The following ADD1 variants were observed in gnomAD, a reference collection of about 807,000 sequenced individuals.
ADD1 encodes alpha-adducin.
Under a neutral mutation model 80.5 loss-of-function variants are expected in ADD1, and 24 were observed. That is an observed-to-expected ratio of 0.30 (90% CI 0.22 to 0.42). The LOEUF (loss-of-function observed/expected upper bound fraction) is 0.42, where lower values mean the gene tolerates loss of function less well. Ranked by LOEUF, ADD1 falls within the 10% of genes least tolerant of loss-of-function variation. The pLI is 1.00. For missense variants in ADD1, 948 were observed against 1,019.0 expected (o/e 0.93, Z 0.95); for synonymous variants, 373 against 393.8 (o/e 0.95, Z 0.63).
chr4:2,875,439 C>G (rs1002993290), intron 1 of ADD1, among the ~76,000 whole-genome samples: 2 of 152,040 alleles, frequency 1.3e-5, no homozygotes, highest in Non-Finnish European at 2.9e-5. Flanking sequence ...TTCTGTTGAT[C>G]TGTTTGTGGG....
chr4:2,905,122 T>C lies in ADD1; in HGVS notation c.1506+14T>C. 1 of 1,612,742 alleles carries C rather than the reference T, an allele frequency of 6.2e-7. No homozygotes were observed. The highest frequency in any genetic ancestry group is 2.2e-5 in the East Asian group (1 of 44,868). ...ACCAACTGCTTGGTCTGTGCCTACC[T>C]TACTGTTCATAGTTAGATGACGTAG... On this transcript the variant is annotated intron_variant, in intron 10 of 15. Transcript: ENST00000683351.
intron 4 of ADD1, among the ~76,000 whole-genome samples, chr4:2,888,216 G>A (rs1000142963): frequency 2.3e-4 from 34 of 149,792 alleles, no homozygotes; most frequent in Non-Finnish European, 3.7e-4. Flanking sequence ...GCCACCATGC[G>A]CAGGTGTGCA....
rs1711609514 is a variant in ADD1 at position 2,926,333 on chromosome 4, C to T, written c.2047+221C>T. 1.1e-5 allele frequency: 8 copies of T among 706,428 alleles called. No homozygotes were observed. The highest frequency in any genetic ancestry group is 4.5e-5 in the South Asian group (3 of 66,870). The allele number at this position is 706,428 out of a possible 1,614,324, so 43.8% of individuals were successfully genotyped here. A position where few individuals can be genotyped will look rare whatever the true frequency, so the allele number is the denominator to read the frequency against. ...TGTGACCAGGTAGGAAGGCCGGCCT[C>T]GGGGGTCGGAACCCACCATGGTTGC... On this transcript the variant is annotated intron_variant, in intron 15 of 15. Transcript: ENST00000683351. The surrounding 1 kb of genome is among the most constrained non-coding windows in gnomAD (Gnocchi z 5.0).
At chr4:2,877,598 A>G (rs1051119926) in intron 2 of ADD1, among the ~76,000 whole-genome samples, 4 of 152,044 alleles carry the variant, frequency 2.6e-5, no homozygotes, top group African/African-American at 7.2e-5. Context: ...ATTAAGTGTG[A>G]CTGTGGTCAG....
At chr4:2,922,124 A>G (rs1164517517) in intron 14 of ADD1, among the ~76,000 whole-genome samples, 3 of 151,874 alleles carry the variant, frequency 2.0e-5, no homozygotes. Flanking sequence ...CACCTTCTGA[A>G]GTCTACTTCT....
intron 4 of ADD1, among the ~76,000 whole-genome samples, chr4:2,888,841 C>A (rs1489323868): frequency 6.6e-6 from 1 of 151,116 alleles, no homozygotes; most frequent in East Asian, 1.9e-4. Flanking sequence ...TCATGTAGAA[C>A]AAGTGAAATA....
chr4:2,907,692 T>A, intron 10 of ADD1, 51 bp from the exon 11 acceptor site: 1 of 1,431,276 alleles, frequency 7.0e-7, no homozygotes, highest in Non-Finnish European at 9.9e-7. Context: ...GGATGCTATG[T>A]CACTTATTGT....
chr4:2,923,838 G>A (rs1208439347), intron 14 of ADD1, among the ~76,000 whole-genome samples: 2 of 152,226 alleles, frequency 1.3e-5, no homozygotes, highest in African/African-American at 4.8e-5. Flanking sequence ...AGGGCGGCTC[G>A]CGAGAACGAG....
In ADD1 at chr4:2,848,230, G is replaced by A. The variant is rs531281994; in HGVS notation, c.-21+4206G>A. On this transcript the variant is annotated intron_variant, in intron 1 of 15. Coordinates refer to ENST00000683351, the MANE Select transcript of ADD1 (RefSeq NM_001354761.2). ...TCCGTCTCAAAAAAAAAAAAAAATA[G>A]GAATCTTAACATAGCATAATATTAA... 6.0e-5 allele frequency among the ~76,000 whole-genome samples: 9 copies of A among 151,242 alleles called. No individual in the cohort carries two copies. In the East Asian group the frequency reaches 1.7e-3, roughly 29 times the overall value.
chr4:2,923,652 C>T (rs989384065), intron 14 of ADD1, among the ~76,000 whole-genome samples: 1 of 152,264 alleles, frequency 6.6e-6, no homozygotes, highest in African/African-American at 2.4e-5. Flanking sequence ...TGAAGCTTCA[C>T]CGGGGAGAGA....
At position 2,904,758 on chromosome 4, in the gene ADD1, C is replaced by T. The variant is rs1736756354; in HGVS notation, c.1162-6C>T. 6.2e-7 allele frequency: 1 copy of T among 1,610,182 alleles called. No homozygotes were observed. Among genetic ancestry groups the T allele is most frequent in the East Asian group, 2.2e-5 (1 of 44,826 alleles). ...TTGACTGTCTTTCACTCTCCTTGGA[C>T]CCTAGGGCTACAGAACTGGCTACCC... is the stretch of plus-strand genomic sequence containing the variant. On this transcript the variant is annotated splice_polypyrimidine_tract_variant and splice_region_variant and intron_variant, in intron 9 of 15. Coordinates refer to ENST00000683351, the MANE Select transcript of ADD1 (RefSeq NM_001354761.2).
At chr4:2,875,130 T>C (rs1731075792) in intron 1 of ADD1, among the ~76,000 whole-genome samples, 1 of 151,960 alleles carries the variant, frequency 6.6e-6, no homozygotes, top group South Asian at 2.1e-4. Context: ...TTGGGAGGCT[T>C]AGGTGGAAGG....
intron 14 of ADD1, 55 bp from the exon 15 acceptor site, chr4:2,925,959 A>G: frequency 6.6e-7 from 1 of 1,518,838 alleles, no homozygotes. Flanking sequence ...AGGCAGGTAC[A>G]GGCTCATGGC....
intron 6 of ADD1, among the ~76,000 whole-genome samples, chr4:2,895,335 T>G (rs1308528767): frequency 1.3e-5 from 2 of 151,964 alleles, no homozygotes; most frequent in Non-Finnish European, 2.9e-5. Flanking sequence ...TTGAAGACTG[T>G]GGGGACGTGC....
intron 1 of ADD1, among the ~76,000 whole-genome samples, chr4:2,849,965 A>G (rs1024991684): frequency 1.3e-5 from 2 of 152,244 alleles, no homozygotes; most frequent in African/African-American, 4.8e-5. Context: ...CACTTTGAGA[A>G]TGCAAAGGCC....
At chr4:2,879,135 C>G (rs1478203537) in intron 2 of ADD1, among the ~76,000 whole-genome samples, 3 of 152,076 alleles carry the variant, frequency 2.0e-5, no homozygotes, top group African/African-American at 7.2e-5. Context: ...GGATGTTGAA[C>G]CAGCAAGAGT....
intron 4 of ADD1, among the ~76,000 whole-genome samples, chr4:2,893,570 G>A (rs913335073): frequency 2.0e-5 from 3 of 151,536 alleles, no homozygotes; most frequent in Admixed American, 6.6e-5. Context: ...CCATGATCAC[G>A]CCACTGCACT....
intron 14 of ADD1, among the ~76,000 whole-genome samples, chr4:2,924,372 G>C (rs1740606193): frequency 6.6e-6 from 1 of 152,200 alleles, no homozygotes; most frequent in East Asian, 1.9e-4. Flanking sequence ...TTGTCCACTA[G>C]GCTCTGAGCA....
chr4:2,863,012 C>G (rs538725318), intron 1 of ADD1, among the ~76,000 whole-genome samples: 1 of 152,074 alleles, frequency 6.6e-6, no homozygotes, highest in African/African-American at 2.4e-5. Flanking sequence ...ATAGAGACTT[C>G]TGGAGTGTGG....
Sources: allele counts gnomAD v4.1 joint callset (sites outside exome capture counted in the v4.1 genomes callset), GRCh38; gene constraint gnomAD v4.1.1; non-coding constraint Gnocchi (gnomAD v3.1); transcripts MANE v1.5; gene names NCBI Gene and HGNC (gene_info 2026-07-23, HGNC 2026-07-21).